The following RBFOX1 variants were observed in gnomAD, a reference collection of about 807,000 sequenced individuals.
The protein encoded by RBFOX1 is RNA binding fox-1 homolog 1.
RBFOX1 carries 8 observed loss-of-function variants against 57.7 expected under a neutral mutation model. The observed-to-expected ratio is 0.14, with a 90% CI of 0.08 to 0.25. The LOEUF is 0.25. Ranked by LOEUF, RBFOX1 falls within the 10% of genes least tolerant of loss-of-function variation. RBFOX1 has a pLI of 1.00. For missense variants in RBFOX1, 611 were observed against 548.5 expected, an observed-to-expected ratio of 1.11 and a Z score of -1.14; for synonymous variants, 326 against 222.4, an observed-to-expected ratio of 1.47 and a Z score of -4.15.
intron 4 of RBFOX1, among the ~76,000 whole-genome samples, chr16:7,107,988 A>G (rs1388450580): frequency 1.3e-5 from 2 of 149,448 alleles, no homozygotes; most frequent in African/African-American, 4.9e-5. Flanking sequence ...TTGACCTAGG[A>G]AAGAAAAAGG....
At chr16:7,478,654 T>G (rs28421869) in intron 4 of RBFOX1, among the ~76,000 whole-genome samples, 1,709 of 152,290 alleles carry the variant, frequency 0.011, 39 homozygotes, top group African/African-American at 0.039. Flanking sequence ...AAGCCACTTT[T>G]GCCAGCTTTC....
rs1158925771 is a variant in RBFOX1, at chr16:6,708,890, CT to C, written c.-16+54241del. 2.6e-5 allele frequency among the ~76,000 whole-genome samples: 4 copies of C among 152,136 alleles called. No homozygotes were observed. In the East Asian group the frequency reaches 7.7e-4, roughly 29 times the overall value. On this transcript the variant is annotated intron_variant, in intron 3 of 15. Coordinates refer to ENST00000550418, the MANE Select transcript of RBFOX1 (RefSeq NM_018723.4). Reference sequence around the variant, plus strand: ...CAGAAGTTTGCTTGGTTTTCCTCTTCTCTGCTTCCCACTCCATTGCGTCCCC... The same window carrying C: ...CAGAAGTTTGCTTGGTTTTCCTCTTCCTGCTTCCCACTCCATTGCGTCCCC...
At chr16:7,373,123 G>A (rs565723677) in intron 4 of RBFOX1, among the ~76,000 whole-genome samples, 4 of 151,936 alleles carry the variant, frequency 2.6e-5, no homozygotes, top group South Asian at 2.1e-4. Context: ...TTAGTGAGAC[G>A]GTGTTTCACC....
chr16:6,250,042 G>T (rs1285895098), intron 1 of RBFOX1, among the ~76,000 whole-genome samples: 1 of 152,088 alleles, frequency 6.6e-6, no homozygotes, highest in Non-Finnish European at 1.5e-5. Flanking sequence ...CTAAGCAGGA[G>T]GTGATGTTAA....
intron 2 of RBFOX1, among the ~76,000 whole-genome samples, chr16:5,564,422 C>G (rs535637228): frequency 1.3e-5 from 2 of 152,266 alleles, no homozygotes; most frequent in East Asian, 3.9e-4. Flanking sequence ...TGAATTTGTC[C>G]TTCTACCGTC....
At chr16:6,413,277 C>T (rs2093521388) in intron 2 of RBFOX1, among the ~76,000 whole-genome samples, 1 of 149,146 alleles carries the variant, frequency 6.7e-6, no homozygotes, top group African/African-American at 2.5e-5. Flanking sequence ...TGAGATGGTG[C>T]CATTGCACTC....
At chr16:7,420,033 T>C (rs1011740702) in intron 4 of RBFOX1, among the ~76,000 whole-genome samples, 1 of 151,960 alleles carries the variant, frequency 6.6e-6, no homozygotes, top group Non-Finnish European at 1.5e-5. Flanking sequence ...TGATATATGT[T>C]GTCACTGTTT....
In RBFOX1 at chr16:7,290,977, C is replaced by A. The variant is rs137916871; in HGVS notation, c.28-227170C>A. Among the ~76,000 whole-genome samples, 192 of 152,326 alleles carry A rather than the reference C, an allele frequency of 1.3e-3. 1 individual carries two copies. The highest frequency in any genetic ancestry group is 1.9e-3 in the Non-Finnish European group (132 of 68,026). On this transcript the variant is annotated intron_variant, in intron 4 of 15. Coordinates refer to ENST00000550418, the MANE Select transcript of RBFOX1 (RefSeq NM_018723.4). Reference sequence around the variant, plus strand: ...ATATTGCAAAACATACAAGAATGCACATTTCATTCTGTGATTATTTATTTA... The same window carrying A: ...ATATTGCAAAACATACAAGAATGCAAATTTCATTCTGTGATTATTTATTTA...
intron 4 of RBFOX1, among the ~76,000 whole-genome samples, chr16:7,112,393 T>TG (rs35142678): frequency 7.2e-6 from 1 of 139,062 alleles, no homozygotes; most frequent in Non-Finnish European, 1.6e-5. Flanking sequence ...TTTTTTTTTT[T>TG]GTAGAGACGT....
chr16:6,681,180 C>T (rs1254414721), intron 3 of RBFOX1, among the ~76,000 whole-genome samples: 1 of 152,070 alleles, frequency 6.6e-6, no homozygotes, highest in East Asian at 1.9e-4. Context: ...GGCATGATGG[C>T]ACGTGCCTGT....
At chr16:5,840,378 C>T (rs1409959010) in intron 3 of RBFOX1, among the ~76,000 whole-genome samples, 1 of 152,170 alleles carries the variant, frequency 6.6e-6, no homozygotes, top group Non-Finnish European at 1.5e-5. Flanking sequence ...CCCCTGTCCC[C>T]AGCGTCTGAG....
intron 1 of RBFOX1, among the ~76,000 whole-genome samples, chr16:5,255,055 A>C (rs1474148152): frequency 6.6e-6 from 1 of 152,194 alleles, no homozygotes; most frequent in African/African-American, 2.4e-5. Flanking sequence ...CCCAGCTGTC[A>C]TCAGATCAAC....
chr16:7,184,304 G>A (rs530068314), intron 4 of RBFOX1, among the ~76,000 whole-genome samples: 3 of 152,196 alleles, frequency 2.0e-5, no homozygotes, highest in Non-Finnish European at 4.4e-5. Context: ...ACCTTAGAGG[G>A]AAGACATCAT....
At chr16:5,874,670 C>T (rs1256177314) in intron 4 of RBFOX1, among the ~76,000 whole-genome samples, 5 of 152,054 alleles carry the variant, frequency 3.3e-5, no homozygotes, top group Non-Finnish European at 4.4e-5. Flanking sequence ...AGCAGCTGGG[C>T]GAGGTGGTTT....
Position 5,306,894 on chromosome 16 carries a change from G to T in RBFOX1, c.219+66789G>T, listed in dbSNP as rs146840007. ...TCATCAGGATTTTCAAGGATAATTTGGTCTAAGTCAAGGAGAATCATGTCT... is the reference window on the plus strand; with the variant it reads ...TCATCAGGATTTTCAAGGATAATTTTGTCTAAGTCAAGGAGAATCATGTCT... On this transcript the variant is annotated intron_variant, in intron 1 of 2. Transcript: ENST00000585867. Among the ~76,000 whole-genome samples the T allele has an allele frequency of 2.2e-3, 333 of 152,258 alleles. 1 individual carries two copies. The highest frequency in any genetic ancestry group is 7.5e-3 in the African/African-American group (310 of 41,552).
chr16:5,455,420 C>G (rs1009089272), intron 1 of RBFOX1, among the ~76,000 whole-genome samples: 1 of 151,980 alleles, frequency 6.6e-6, no homozygotes, highest in Non-Finnish European at 1.5e-5. Flanking sequence ...CTGAGCCCTC[C>G]CAGATTCAAA....
chr16:5,527,026 C>T (rs767826310), intron 2 of RBFOX1, among the ~76,000 whole-genome samples: 10 of 152,240 alleles, frequency 6.6e-5, no homozygotes, highest in African/African-American at 1.9e-4. Context: ...TTCAGCATAG[C>T]GCTTGGGACG....
At chr16:7,102,569 A>G (rs2062872166) in intron 4 of RBFOX1, among the ~76,000 whole-genome samples, 1 of 152,192 alleles carries the variant, frequency 6.6e-6, no homozygotes, top group African/African-American at 2.4e-5. Flanking sequence ...GATATGGATC[A>G]TTTGCAATAA....
At chr16:5,786,708 A>T (rs1217624144) in intron 3 of RBFOX1, among the ~76,000 whole-genome samples, 1 of 152,156 alleles carries the variant, frequency 6.6e-6, no homozygotes, top group Non-Finnish European at 1.5e-5. Context: ...TGCTTTCACC[A>T]GGCTGGTCAT....
Sources: allele counts gnomAD v4.1 joint callset (sites outside exome capture counted in the v4.1 genomes callset), GRCh38; gene constraint gnomAD v4.1.1; transcripts MANE v1.5; gene names NCBI Gene and HGNC (gene_info 2026-07-23, HGNC 2026-07-21).